Variants in ZNF618 observed in about 807,000 individuals in gnomAD.
The protein encoded by ZNF618 is zinc finger protein 618.
A neutral mutation model predicts 103.0 loss-of-function variants in ZNF618; 34 were observed. The observed-to-expected ratio is 0.33, with a 90% CI of 0.25 to 0.44. ZNF618 has a LOEUF of 0.44. Ranked by LOEUF, ZNF618 falls within the 20% of genes least tolerant of loss-of-function variation. The pLI, the probability that ZNF618 is intolerant of heterozygous loss-of-function variation, is 1.00. For synonymous variants in ZNF618, 551 were observed against 542.2 expected, an observed-to-expected ratio of 1.02 and a Z score of -0.23; for missense variants, 1,059 against 1,295.4, an observed-to-expected ratio of 0.82 and a Z score of 2.80.
intron 1 of ZNF618, among the ~76,000 whole-genome samples, chr9:113,951,425 G>GTGTGTATATATATACACACATATA (rs1564206819): frequency 5.3e-5 from 2 of 37,558 alleles, no homozygotes; most frequent in African/African-American, 2.0e-4. Flanking sequence ...ACATATATGT[G>GTGTGTATATATATACACACATATA]TGTGTGTATA....
At chr9:113,945,963 G>A (rs1013408019) in intron 1 of ZNF618, among the ~76,000 whole-genome samples, 32 of 152,330 alleles carry the variant, frequency 2.1e-4, no homozygotes, top group African/African-American at 6.7e-4. Context: ...TGGAGTCTCT[G>A]CTACTCCCAG....
intron 1 of ZNF618, among the ~76,000 whole-genome samples, chr9:113,955,663 C>T (rs2132438347): frequency 6.6e-6 from 1 of 151,978 alleles, no homozygotes; most frequent in East Asian, 1.9e-4. Flanking sequence ...GTGTTCCAGA[C>T]TTTTCTCTCT....
chr9:113,903,721 G>C (rs377140052), intron 1 of ZNF618, among the ~76,000 whole-genome samples: 25 of 152,064 alleles, frequency 1.6e-4, no homozygotes, highest in Middle Eastern at 3.4e-3. Flanking sequence ...TTTTTTGTTT[G>C]TTTCTTTCTT....
Position 113,988,586 on chromosome 9 carries a change from T to G in ZNF618, c.337+6T>G. 6 of 1,601,390 alleles carry G rather than the reference T, an allele frequency of 3.7e-6. No individual in the cohort carries two copies. Among genetic ancestry groups the G allele is most frequent in the Non-Finnish European group, 5.1e-6 (6 of 1,176,194 alleles). On this transcript the variant is annotated splice_donor_region_variant and intron_variant, in intron 3 of 14. Transcript: ENST00000374126. ...CCGCAACCAGCAGACCCTTGGTGAG[T>G]GCCCAGCGTCTGTGGTCAGGGTGGA... is the stretch of plus-strand genomic sequence containing the variant.
intron 13 of ZNF618, among the ~76,000 whole-genome samples, chr9:114,044,570 C>G (rs920105210): frequency 3.9e-5 from 6 of 151,914 alleles, no homozygotes; most frequent in African/African-American, 1.5e-4. Context: ...TTTTCTAGTT[C>G]TGTGAAGAAT....
intron 1 of ZNF618, among the ~76,000 whole-genome samples, chr9:113,935,796 C>T (rs904074892): frequency 2.0e-5 from 3 of 152,112 alleles, no homozygotes; most frequent in Admixed American, 1.3e-4. Context: ...AGGACCTGCT[C>T]GGCGAAAGTT....
intron 1 of ZNF618, among the ~76,000 whole-genome samples, chr9:113,915,262 C>T (rs1377401204): frequency 2.0e-5 from 3 of 152,134 alleles, no homozygotes; most frequent in Non-Finnish European, 2.9e-5. Context: ...TTCTGCCCTG[C>T]CTGTCGTATG....
Position 113,938,830 on chromosome 9 carries a change from G to T in ZNF618, c.34-30287G>T, listed in dbSNP as rs551681240. Among the ~76,000 whole-genome samples, 16 of 152,068 alleles carry T rather than the reference G, an allele frequency of 1.1e-4. No individual in the cohort carries two copies. In the South Asian group the frequency reaches 3.1e-3, roughly 30 times the overall value. On this transcript the variant is annotated intron_variant, in intron 1 of 14. Transcript: ENST00000374126. ...AGTGATTCAGCCACCTCAGCCTCCC[G>T]AAGTGCTGGGATTACAGGTGTGAGC...
intron 1 of ZNF618, among the ~76,000 whole-genome samples, chr9:113,957,971 C>T (rs572635700): frequency 2.0e-5 from 3 of 152,088 alleles, no homozygotes; most frequent in African/African-American, 7.2e-5. Flanking sequence ...CTAGAGTTTT[C>T]TGTAAAATCA....
In ZNF618 at chr9:114,048,721, G is replaced by T. The variant is rs769932865; in HGVS notation, c.1419G>T (p.Leu473=). The T allele has an allele frequency of 6.2e-7, 1 of 1,614,052 alleles. No individual in the cohort carries two copies. The highest frequency in any genetic ancestry group is 8.5e-7 in the Non-Finnish European group (1 of 1,179,904). ...AGCGGCAGAACATCGCAGAGCGGCT[G>T]TTGAGGGTCATGTGTGCCGACCTGG... ...EKERQNIAER[L]LRVMCADLGA... The change falls in exon 15 of 15, where the codon CTG becomes CTT. Residue 473 remains leucine (L), a synonymous_variant. Transcript: ENST00000374126.
chr9:113,889,317 ATCTCTCTCTC>A (rs10627696), intron 1 of ZNF618, among the ~76,000 whole-genome samples: 7 of 139,350 alleles, frequency 5.0e-5, no homozygotes, highest in South Asian at 4.7e-4. Flanking sequence ...CCCCGCTACC[ATCTCTCTCTC>A]TCTCTCTCTC....
intron 9 of ZNF618, among the ~76,000 whole-genome samples, chr9:114,015,493 A>G (rs1055740537): frequency 1.3e-5 from 2 of 152,242 alleles, no homozygotes; most frequent in Non-Finnish European, 2.9e-5. Context: ...TGCTGGCTGT[A>G]GTATGCATAA....
intron 1 of ZNF618, among the ~76,000 whole-genome samples, chr9:113,939,847 T>C (rs530688782): frequency 6.6e-6 from 1 of 152,268 alleles, no homozygotes; most frequent in African/African-American, 2.4e-5. Flanking sequence ...GTTTATTTTT[T>C]AGTTTCTTAG....
At chr9:114,039,929 G>C (rs1844987608) in intron 13 of ZNF618, among the ~76,000 whole-genome samples, 1 of 152,030 alleles carries the variant, frequency 6.6e-6, no homozygotes, top group African/African-American at 2.4e-5. Flanking sequence ...CTTTACAAAT[G>C]TACATGTGGG....
chr9:114,028,639 G>GTCCC, intron 10 of ZNF618, 94 bp from the exon 11 acceptor site: 1 of 1,454,956 alleles, frequency 6.9e-7, no homozygotes, highest in Non-Finnish European at 9.1e-7. Flanking sequence ...GACAGAGACA[G>GTCCC]TCCCAACCCT....
chr9:113,885,895 A>G (rs767321405), intron 1 of ZNF618, among the ~76,000 whole-genome samples: 1 of 152,224 alleles, frequency 6.6e-6, no homozygotes. Context: ...GACAAAGCAG[A>G]ATGAGGCTTT....
intron 6 of ZNF618, among the ~76,000 whole-genome samples, chr9:114,005,922 C>T (rs1841708315): frequency 6.6e-6 from 1 of 152,236 alleles, no homozygotes; most frequent in Non-Finnish European, 1.5e-5. Context: ...TCCTGCCCCA[C>T]ACCTTGCCAC....
intron 10 of ZNF618, among the ~76,000 whole-genome samples, chr9:114,027,268 G>A (rs1843593881): frequency 6.6e-6 from 1 of 152,224 alleles, no homozygotes; most frequent in African/African-American, 2.4e-5. Context: ...GGAAGGGAGA[G>A]TCCCAAGAGT....
chr9:114,017,328 C>T (rs989821171), intron 10 of ZNF618, among the ~76,000 whole-genome samples: 18 of 152,270 alleles, frequency 1.2e-4, no homozygotes, highest in African/African-American at 4.1e-4. Context: ...TGCTTGTGAC[C>T]TGGGGCAGGC....
Sources: gnomAD v4.1 joint callset for allele counts (sites outside exome capture counted in the v4.1 genomes callset) on GRCh38, gnomAD v4.1.1 for gene constraint, MANE v1.5 for transcripts, NCBI Gene and HGNC (gene_info 2026-07-23, HGNC 2026-07-21) for gene names.